SRGAP1: variants seen among roughly 807,000 people sequenced by gnomAD.
The protein encoded by SRGAP1 is SLIT-ROBO Rho GTPase-activating protein 1.
A neutral mutation model predicts 121.9 loss-of-function variants in SRGAP1; 43 were observed. The observed-to-expected ratio is 0.35, with a 90% confidence interval of 0.28 to 0.46. The LOEUF is 0.46. Ranked by LOEUF, SRGAP1 falls within the 20% of genes least tolerant of loss-of-function variation. The pLI is 1.00. For synonymous variants in SRGAP1, 447 were observed against 485.4 expected, an observed-to-expected ratio of 0.92 and a Z score of 1.04; for missense variants, 1,102 against 1,350.9, an observed-to-expected ratio of 0.82 and a Z score of 2.89.
chr12:63,960,615 C>T (rs1465033580), intron 1 of SRGAP1, among the ~76,000 whole-genome samples: 1 of 152,130 alleles, frequency 6.6e-6, no homozygotes, highest in Non-Finnish European at 1.5e-5. Context: ...CATCCCTATC[C>T]CCAGAATCTG....
At chr12:63,992,085 T>A (rs2136420697) in intron 3 of SRGAP1, among the ~76,000 whole-genome samples, 1 of 152,228 alleles carries the variant, frequency 6.6e-6, no homozygotes, top group Middle Eastern at 3.4e-3. Flanking sequence ...AAGGAGAGCA[T>A]GAGCATGTTC....
chr12:63,899,573 C>G (rs921771373), intron 1 of SRGAP1, among the ~76,000 whole-genome samples: 2 of 152,130 alleles, frequency 1.3e-5, no homozygotes, highest in Non-Finnish European at 2.9e-5. Context: ...AAGTGAGATA[C>G]AGAACCACCC....
At chr12:63,944,376 G>A (rs929513644) in intron 1 of SRGAP1, among the ~76,000 whole-genome samples, 2 of 152,154 alleles carry the variant, frequency 1.3e-5, no homozygotes, top group Non-Finnish European at 2.9e-5. Context: ...TGTCTACTAA[G>A]GGCCCACTTT....
chr12:63,916,181 G>A (rs1459035655), intron 1 of SRGAP1, among the ~76,000 whole-genome samples: 1 of 151,848 alleles, frequency 6.6e-6, no homozygotes, highest in Non-Finnish European at 1.5e-5. Context: ...CACAAGGCAT[G>A]TGCCACCATG....
intron 1 of SRGAP1, among the ~76,000 whole-genome samples, chr12:63,847,643 G>A (rs1346238325): frequency 6.6e-6 from 1 of 152,048 alleles, no homozygotes; most frequent in East Asian, 1.9e-4. Flanking sequence ...CTACCCTGGA[G>A]GCTGAGTCAG....
intron 1 of SRGAP1, among the ~76,000 whole-genome samples, chr12:63,980,747 C>G (rs1322156691): frequency 1.3e-5 from 2 of 151,980 alleles, no homozygotes; most frequent in African/African-American, 4.8e-5. Context: ...GCGCATGCCA[C>G]CACTCCCGGC....
intron 4 of SRGAP1, among the ~76,000 whole-genome samples, chr12:64,027,863 A>G (rs1186000562): frequency 1.3e-5 from 2 of 151,732 alleles, no homozygotes; most frequent in East Asian, 3.9e-4. Context: ...AAACGATTCC[A>G]TAGCAGCCTT....
At chr12:63,916,348 T>C (rs2030778578) in intron 1 of SRGAP1, among the ~76,000 whole-genome samples, 2 of 152,204 alleles carry the variant, frequency 1.3e-5, no homozygotes, top group African/African-American at 4.8e-5. Flanking sequence ...TATAATTCCT[T>C]CATTACAAAT....
Position 64,135,113 on chromosome 12 carries a change from G to A in SRGAP1, c.2880+6913G>A, listed in dbSNP as rs544032910. On this transcript the variant is annotated intron_variant, in intron 21 of 21. Transcript: ENST00000355086. ...CATGGGTCAGGGAGGGGATGTTGCC[G>A]CTACTGGGGATAGGGAAGCTGTTTC... is the stretch of plus-strand genomic sequence containing the variant. 4.3e-4 allele frequency among the ~76,000 whole-genome samples: 66 copies of A among 152,272 alleles called. No homozygotes were observed. The East Asian group carries it at 0.011, about 25-fold the overall frequency.
intron 1 of SRGAP1, among the ~76,000 whole-genome samples, chr12:63,878,440 T>C (rs564483930): frequency 2.6e-4 from 40 of 152,344 alleles, no homozygotes; most frequent in African/African-American, 9.6e-4. Context: ...TCGCATCTTT[T>C]TAAAATCAGA....
At chr12:64,072,634 A>G (rs192772577) in intron 8 of SRGAP1, among the ~76,000 whole-genome samples, 23 of 152,240 alleles carry the variant, frequency 1.5e-4, no homozygotes, top group Non-Finnish European at 2.9e-5. Context: ...CCTGGAACAG[A>G]TCCTTCCCTC....
intron 1 of SRGAP1, among the ~76,000 whole-genome samples, chr12:63,855,519 A>C (rs1899219888): frequency 9.2e-6 from 1 of 109,210 alleles, no homozygotes; most frequent in Non-Finnish European, 1.7e-5. Flanking sequence ...GGAGAGTCTC[A>C]CTCTATCAGC....
intron 1 of SRGAP1, among the ~76,000 whole-genome samples, chr12:63,902,846 C>T (rs2030001257): frequency 6.6e-6 from 1 of 152,152 alleles, no homozygotes; most frequent in African/African-American, 2.4e-5. Context: ...CTGAACTGAT[C>T]TTTGTTTTCT....
intron 1 of SRGAP1, among the ~76,000 whole-genome samples, chr12:63,858,929 C>T (rs1321400891): frequency 6.6e-6 from 1 of 152,108 alleles, no homozygotes; most frequent in South Asian, 2.1e-4. Flanking sequence ...TCTGGAACTC[C>T]TGACCTCAGG....
At chr12:63,950,403 A>G (rs916142141) in intron 1 of SRGAP1, among the ~76,000 whole-genome samples, 1 of 152,132 alleles carries the variant, frequency 6.6e-6, no homozygotes, top group African/African-American at 2.4e-5. Flanking sequence ...TCTTTAAGGA[A>G]TTGTGCAAAT....
At chr12:63,857,954 G>A (rs1177211213) in intron 1 of SRGAP1, among the ~76,000 whole-genome samples, 2 of 152,120 alleles carry the variant, frequency 1.3e-5, no homozygotes. Flanking sequence ...GTTGTTTTCA[G>A]TTTATTATAG....
At position 64,025,262 on chromosome 12, in the gene SRGAP1, T is replaced by C. The variant is rs562813470; in HGVS notation, c.489+8250T>C. Among the ~76,000 whole-genome samples, 24 of 152,188 alleles carry C rather than the reference T, an allele frequency of 1.6e-4. 1 individual carries two copies. In the South Asian group the frequency reaches 3.9e-3, roughly 25 times the overall value. ...CCGAGGACTGCGGAGGGAAACTTTG[T>C]TGGCTGGTTTTGTGAGCCTCCCACA... On this transcript the variant is annotated intron_variant, in intron 4 of 21. Transcript: ENST00000355086.
intron 1 of SRGAP1, among the ~76,000 whole-genome samples, chr12:63,848,307 C>T (rs1019718651): frequency 1.3e-5 from 2 of 152,050 alleles, no homozygotes; most frequent in East Asian, 1.9e-4. Context: ...CCACTGCACC[C>T]GGCCCAGATA....
rs2036724615 is a variant in SRGAP1, at chr12:64,128,037, G to T, written c.2717G>T (p.Ser906Ile). The T allele has an allele frequency of 1.9e-6, 3 of 1,614,128 alleles. No homozygotes were observed. The highest frequency in any genetic ancestry group is 2.5e-6 in the Non-Finnish European group (3 of 1,180,030). Reference sequence around the variant, plus strand: ...CAGAACCGTGGCCTCAACAATGACAGTCCTGAGCGGAGGCGCAGGCCTGGC... The same window carrying T: ...CAGAACCGTGGCCTCAACAATGACATTCCTGAGCGGAGGCGCAGGCCTGGC... ...LLQNRGLNND[S>I]PERRRRPGHG... Residue 906 changes from serine to isoleucine, a missense_variant, in exon 21 of 22, where the codon AGT (serine) becomes ATT (isoleucine). This residue lies in a region of SRGAP1 where 315 missense variants were observed against 343.1 expected (regional missense o/e 0.92). Coordinates refer to ENST00000355086, the MANE Select transcript of SRGAP1 (RefSeq NM_020762.4).
Sources: gnomAD v4.1 joint callset for allele counts (sites outside exome capture counted in the v4.1 genomes callset) on GRCh38, gnomAD v4.1.1 for gene constraint, gnomAD v4.1.1 regional missense constraint, MANE v1.5 for transcripts, NCBI Gene and HGNC (gene_info 2026-07-23, HGNC 2026-07-21) for gene names.